The following DSG4 variants were observed in gnomAD, a reference collection of about 807,000 sequenced individuals.
DSG4 encodes the protein desmoglein 4.
A neutral mutation model predicts 93.1 loss-of-function variants in DSG4; 87 were observed. The observed-to-expected ratio is 0.93, with a 90% CI of 0.79 to 1.12. The LOEUF (loss-of-function observed/expected upper bound fraction) is 1.12, where lower values mean the gene tolerates loss of function less well. Among genes scored for constraint, DSG4 ranks in the 50% most tolerant of loss-of-function variants. The probability of loss-of-function intolerance (pLI) is 0.00; values close to 1 mark genes in which losing one functional copy is unlikely to be tolerated. For synonymous variants in DSG4, 432 were observed against 452.9 expected (o/e 0.95, Z 0.59); for missense variants, 1,373 against 1,285.7 (o/e 1.07, Z -1.04).
chr18:31,383,738 G>A (rs1448803818), intron 1 of DSG4, among the ~76,000 whole-genome samples: 3 of 152,034 alleles, frequency 2.0e-5, no homozygotes, highest in African/African-American at 7.3e-5. Context: ...ACACCTTTCA[G>A]CCATGGCAAA....
intron 8 of DSG4, 39 bp from the exon 9 acceptor site, chr18:31,399,233 C>A: frequency 1.9e-6 from 3 of 1,612,348 alleles, no homozygotes; most frequent in Non-Finnish European, 2.5e-6. Flanking sequence ...AAAGAGAGTT[C>A]TTTGCTGTTT....
intron 8 of DSG4, 103 bp from the exon 9 acceptor site, chr18:31,399,169 C>G: frequency 6.8e-7 from 1 of 1,474,106 alleles, no homozygotes; most frequent in Non-Finnish European, 9.4e-7. Context: ...CAGCGTATCT[C>G]CTGGACCTTA....
At position 31,411,455 on chromosome 18, in the gene DSG4, C is replaced by A; in HGVS notation, c.2355+7C>A. ...GGACAGCTACTTCTCGGAGGTAATG[C>A]CCTCACAGTCACACATAAAATCGTC... On this transcript the variant is annotated splice_region_variant and intron_variant, in intron 15 of 15. Transcript: ENST00000308128. 6.2e-7 allele frequency: 1 copy of A among 1,611,990 alleles called. No individual in the cohort carries two copies. Among genetic ancestry groups the A allele is most frequent in the Non-Finnish European group, 8.5e-7 (1 of 1,179,886 alleles).
intron 12 of DSG4, among the ~76,000 whole-genome samples, chr18:31,407,654 TA>T (rs1293525379): frequency 6.6e-6 from 1 of 152,210 alleles, no homozygotes; most frequent in African/African-American, 2.4e-5. Context: ...TTTCAAGGCA[TA>T]AAAAATAACA....
chr18:31,379,153 G>A (rs1161712540), intron 1 of DSG4, among the ~76,000 whole-genome samples: 1 of 152,204 alleles, frequency 6.6e-6, no homozygotes, highest in African/African-American at 2.4e-5. Flanking sequence ...CTATAAAACA[G>A]ACAGGGGTGG....
At chr18:31,381,578 G>T (rs1486790074) in intron 1 of DSG4, among the ~76,000 whole-genome samples, 1 of 151,894 alleles carries the variant, frequency 6.6e-6, no homozygotes, top group Non-Finnish European at 1.5e-5. Flanking sequence ...CTTCCCTCCT[G>T]TTTTAACATG....
chr18:31,392,037 A>T (rs1206439516), intron 7 of DSG4, 118 bp from the exon 8 acceptor site: 2 of 926,118 alleles, frequency 2.2e-6, no homozygotes, highest in East Asian at 2.6e-5. Flanking sequence ...GCATTTAATA[A>T]TGGTGCAAAA....
intron 1 of DSG4, among the ~76,000 whole-genome samples, chr18:31,383,717 C>T (rs2072159497): frequency 6.6e-6 from 1 of 152,138 alleles, no homozygotes; most frequent in Non-Finnish European, 1.5e-5. Context: ...CCAAATCCCC[C>T]TTAAAAAGTC....
chr18:31,393,264 T>A (rs958443529), intron 8 of DSG4, among the ~76,000 whole-genome samples: 1 of 152,240 alleles, frequency 6.6e-6, no homozygotes, highest in Non-Finnish European at 1.5e-5. Flanking sequence ...GTGTGATTAT[T>A]CAGTTCTGTT....
chr18:31,378,312 A>G (rs1327710258), intron 1 of DSG4, among the ~76,000 whole-genome samples: 1 of 152,238 alleles, frequency 6.6e-6, no homozygotes, highest in Non-Finnish European at 1.5e-5. Context: ...TTCAATTGAA[A>G]TAGTAAGTTA....
intron 2 of DSG4, 31 bp from the exon 3 acceptor site, chr18:31,386,657 C>T: frequency 6.2e-7 from 1 of 1,611,878 alleles, no homozygotes; most frequent in Non-Finnish European, 8.5e-7. Context: ...TGTTCTCACA[C>T]TGTAAGACAC....
intron 5 of DSG4, among the ~76,000 whole-genome samples, chr18:31,389,589 C>T (rs1436089269): frequency 6.6e-6 from 1 of 151,802 alleles, no homozygotes; most frequent in Admixed American, 6.6e-5. Context: ...AACTTCTTTC[C>T]TTCCTACTCT....
rs1056608617 is a variant in DSG4 at position 31,388,936 on chromosome 18, C to A, written c.435C>A (p.Val145=). The change falls in exon 5 of 16, where the codon GTC becomes GTA. Residue 145 remains valine, a synonymous_variant. Coordinates refer to ENST00000308128, the MANE Select transcript of DSG4 (RefSeq NM_177986.5). Reference sequence around the variant, plus strand: ...TAGAAAGGCCTCTTGAGCTTAGAGTCAAAGTTATGGACATAAATGATAACG... The same window carrying A: ...TAGAAAGGCCTCTTGAGCTTAGAGTAAAAGTTATGGACATAAATGATAACG... The part of the protein sequence containing the change: ...EDLERPLELR[V]KVMDINDNAP... 28 of 1,613,552 alleles carry A rather than the reference C, an allele frequency of 1.7e-5. No homozygotes were observed. The highest frequency in any genetic ancestry group is 2.4e-5 in the Non-Finnish European group (28 of 1,179,658).
rs202122546 is a variant in DSG4 at position 31,411,293 on chromosome 18, C to G, written c.2200C>G (p.Leu734Val). 1 of 1,612,968 alleles carries G rather than the reference C, an allele frequency of 6.2e-7. No homozygotes were observed. The highest frequency in any genetic ancestry group is 2.2e-5 in the East Asian group (1 of 44,868). Residue 734 changes from leucine (L) to valine (V), a missense_variant, in exon 15 of 16, where the codon CTC becomes GTC. Coordinates refer to ENST00000308128, the MANE Select transcript of DSG4 (RefSeq NM_177986.5). ...GGAAGGAGGTGTATCGGGAGTGGAG[C>G]TCAACACAGGTATGGGGACAGCCGT... is the stretch of plus-strand genomic sequence containing the variant. Reference protein sequence around the residue: ...TVEGGVSGVELNTGMGTAVGL... With the variant: ...TVEGGVSGVEVNTGMGTAVGL...
intron 12 of DSG4, among the ~76,000 whole-genome samples, chr18:31,409,112 C>T (rs540542665): frequency 7.9e-5 from 12 of 152,192 alleles, no homozygotes; most frequent in East Asian, 3.9e-4. Flanking sequence ...ATTCATGATG[C>T]GTTTAACTTA....
chr18:31,385,013 A>C, intron 1 of DSG4, 123 bp from the exon 2 acceptor site: 2 of 877,964 alleles, frequency 2.3e-6, no homozygotes, highest in Non-Finnish European at 3.7e-6. Flanking sequence ...TGTTTATTTC[A>C]CATCATCAAC....
chr18:31,412,840 T>A lies in DSG4; in HGVS notation c.2368T>A (p.Tyr790Asn). The A allele has an allele frequency of 1.2e-6, 2 of 1,614,220 alleles. No individual in the cohort carries two copies. The highest frequency in any genetic ancestry group is 1.7e-6 in the Non-Finnish European group (2 of 1,180,034). Residue 790 changes from tyrosine (Y) to asparagine (N), a missense_variant, in exon 16 of 16, where the codon TAT becomes AAT. Transcript: ENST00000308128. ...CTTTTAATTTTAGAAAGCGTATGCT[T>A]ATGCAGATGAAGATGAAGGTCGACC... ...DSYFSEKAYA[Y>N]ADEDEGRPAN... is the part of the protein sequence containing the mutation.
In DSG4 at chr18:31,412,899, G is replaced by A. The variant is rs771221095; in HGVS notation, c.2427G>A (p.Glu809=). 1 of 1,614,070 alleles carries A rather than the reference G, an allele frequency of 6.2e-7. No individual in the cohort carries two copies. The highest frequency in any genetic ancestry group is 8.5e-7 in the Non-Finnish European group (1 of 1,180,040). ...ACTGCTTGCTCATTTATGACCACGA[G>A]GGAGTCGGGTCTCCCGTAGGCTCTA... ...ANDCLLIYDH[E]GVGSPVGSIG... is the part of the protein sequence containing the mutation. The change falls in exon 16 of 16, where the codon GAG becomes GAA. Residue 809 remains glutamate, a synonymous_variant. Coordinates refer to ENST00000308128, the MANE Select transcript of DSG4 (RefSeq NM_177986.5).
chr18:31,388,020 A>T (rs946054168), intron 3 of DSG4, among the ~76,000 whole-genome samples: 3 of 152,136 alleles, frequency 2.0e-5, no homozygotes, highest in South Asian at 4.1e-4. Context: ...AGTTATTTTT[A>T]AAAAATAGTA....
Sources: allele counts gnomAD v4.1 joint callset (sites outside exome capture counted in the v4.1 genomes callset), GRCh38; gene constraint gnomAD v4.1.1; transcripts MANE v1.5; gene names NCBI Gene and HGNC (gene_info 2026-07-23, HGNC 2026-07-21).